The following ABI2 variants were observed in gnomAD, a reference collection of about 807,000 sequenced individuals.
ABI2 encodes abl interactor 2, also known as abelson interactor 2.
In ABI2, 25 loss-of-function variants were observed where a neutral mutation model predicts 59.2. The observed-to-expected ratio is 0.42, with a 90% CI of 0.31 to 0.59. The LOEUF (loss-of-function observed/expected upper bound fraction) is 0.59. Among genes scored for constraint, ABI2 ranks in the 20% least tolerant of loss-of-function variants. The probability of loss-of-function intolerance (pLI) is 0.14; values close to 1 mark genes in which losing one functional copy is unlikely to be tolerated. For missense variants in ABI2, 545 were observed against 681.8 expected, an observed-to-expected ratio of 0.80 and a Z score of 2.23; for synonymous variants, 213 against 235.5, an observed-to-expected ratio of 0.90 and a Z score of 0.87.
chr2:203,378,382 A>G (rs1321952029), intron 2 of ABI2, among the ~76,000 whole-genome samples: 2 of 152,178 alleles, frequency 1.3e-5, no homozygotes, highest in Non-Finnish European at 2.9e-5. Context: ...AAGTGCTGGG[A>G]TTATAGGCGT....
At chr2:203,374,806 CTG>C (rs1055888239) in intron 2 of ABI2, 22 of 455,656 alleles carry the variant, frequency 4.8e-5, no homozygotes, top group African/African-American at 4.0e-4. Context: ...TCCACTGTAA[CTG>C]TTTGATTGCA....
At position 203,414,850 on chromosome 2, in the gene ABI2, A is replaced by G. The variant is rs142306108; in HGVS notation, c.1280-2058A>G. On this transcript the variant is annotated intron_variant, in intron 10 of 11. Transcript: ENST00000261018. ...TCTCCACATCTATAAAATGAAAAAC[A>G]CCACCTCCCAATATAAAGATGAAAT... 9.2e-5 allele frequency among the ~76,000 whole-genome samples: 14 copies of G among 152,346 alleles called. No homozygotes were observed. In the East Asian group the frequency reaches 2.7e-3, roughly 29 times the overall value.
rs1426071981 is a variant in ABI2 at position 203,430,293 on chromosome 2, A to G, written c.*2941A>G. On this transcript the variant is annotated 3_prime_UTR_variant, in exon 12 of 12. Transcript: ENST00000261018. Reference sequence around the variant, plus strand: ...TGCTGTGTACTATTAATATTATAACAGACGATCCAAGTCCAAAATCTGACC... The same window carrying G: ...TGCTGTGTACTATTAATATTATAACGGACGATCCAAGTCCAAAATCTGACC... The G allele has an allele frequency of 6.6e-6, 1 of 152,222 alleles. No individual in the cohort carries two copies. Among genetic ancestry groups the G allele is most frequent in the East Asian group, 1.9e-4 (1 of 5,198 alleles). 9.4% of individuals were successfully genotyped at this position (152,222 alleles called of 1,614,324 possible). A position where few individuals can be genotyped will look rare whatever the true frequency, so the allele number is the denominator to read the frequency against.
chr2:203,347,282 C>G (rs961997174), intron 1 of ABI2, among the ~76,000 whole-genome samples: 3 of 152,164 alleles, frequency 2.0e-5, no homozygotes, highest in African/African-American at 7.2e-5. Flanking sequence ...GGATGATATC[C>G]TGACTCCCAG....
chr2:203,364,935 T>C (rs1292013600), intron 1 of ABI2, among the ~76,000 whole-genome samples: 1 of 152,016 alleles, frequency 6.6e-6, no homozygotes, highest in Admixed American at 6.6e-5. Flanking sequence ...GGTCTCACAA[T>C]GTTGCCCAGG....
chr2:203,418,547 A>C (rs1433253335), intron 11 of ABI2, among the ~76,000 whole-genome samples: 1 of 152,256 alleles, frequency 6.6e-6, no homozygotes, highest in Non-Finnish European at 1.5e-5. Context: ...TCTGGATCAC[A>C]TAGGCTTCTC....
chr2:203,341,950 C>T (rs1007745107), intron 1 of ABI2, among the ~76,000 whole-genome samples: 1 of 152,174 alleles, frequency 6.6e-6, no homozygotes, highest in Non-Finnish European at 1.5e-5. Context: ...AACTGATCTA[C>T]AGCTTCCTGG....
chr2:203,372,762 T>A (rs1289144128), intron 2 of ABI2, among the ~76,000 whole-genome samples: 1 of 144,208 alleles, frequency 6.9e-6, no homozygotes, highest in African/African-American at 2.6e-5. Context: ...ACGGGGCGGT[T>A]GCCAGGCGGA....
In ABI2 at chr2:203,368,984, A is replaced by AATTTTTTTTTTTTTTTTTTTTTTT. The variant is rs1312712237; in HGVS notation, c.285+1940_285+1941insATTTTTTTTTTTTTTTTTTTTTTT. On this transcript the variant is annotated intron_variant, in intron 2 of 11. Coordinates refer to ENST00000261018, the MANE Select transcript of ABI2 (RefSeq NM_001375670.1). ...TACAGGCACGTGCCATGCTTGGCTG[A>AATTTTTTTTTTTTTTTTTTTTTTT]TTTTTTTTTTTTTTTTTTTTTTTTT... Among the ~76,000 whole-genome samples, 19 of 91,118 alleles carry AATTTTTTTTTTTTTTTTTTTTTTT rather than the reference A, an allele frequency of 2.1e-4. 9 individuals are homozygous for AATTTTTTTTTTTTTTTTTTTTTTT. Among genetic ancestry groups the AATTTTTTTTTTTTTTTTTTTTTTT allele is most frequent in the Non-Finnish European group, 2.1e-4 (10 of 48,338 alleles). The allele number at this position is 91,118 out of a possible 152,430, so 59.8% of individuals were successfully genotyped here. A position where few individuals can be genotyped will look rare whatever the true frequency, so the allele number is the denominator to read the frequency against.
chr2:203,343,041 G>A (rs541296777), intron 1 of ABI2, among the ~76,000 whole-genome samples: 3 of 152,244 alleles, frequency 2.0e-5, no homozygotes, highest in African/African-American at 7.2e-5. Context: ...GAAGAAAAAG[G>A]AGAACTTTAT....
At chr2:203,388,597 C>T (rs999007817) in intron 4 of ABI2, among the ~76,000 whole-genome samples, 1 of 152,014 alleles carries the variant, frequency 6.6e-6, no homozygotes, top group Non-Finnish European at 1.5e-5. Context: ...AGGAGAATTG[C>T]TTGAACCCAG....
At chr2:203,403,619 A>G (rs1471031587) in intron 9 of ABI2, among the ~76,000 whole-genome samples, 1 of 133,544 alleles carries the variant, frequency 7.5e-6, no homozygotes, top group Admixed American at 8.2e-5. Flanking sequence ...AGAATCACGT[A>G]CAAAATAAGA....
intron 11 of ABI2, among the ~76,000 whole-genome samples, chr2:203,419,676 C>T (rs1405106059): frequency 6.6e-6 from 1 of 152,030 alleles, no homozygotes; most frequent in Non-Finnish European, 1.5e-5. Context: ...TGCGCCCAGC[C>T]TGTGCTTTGT....
At chr2:203,382,045 G>T (rs2096167802) in intron 3 of ABI2, 144 bp from the exon 4 acceptor site, 6 of 629,848 alleles carry the variant, frequency 9.5e-6, no homozygotes, top group East Asian at 8.7e-5. Flanking sequence ...CTCTTTCTAT[G>T]ATCTACTGAA....
intron 11 of ABI2, among the ~76,000 whole-genome samples, chr2:203,419,300 C>G (rs987346938): frequency 6.6e-6 from 1 of 150,804 alleles, no homozygotes; most frequent in Non-Finnish European, 1.5e-5. Flanking sequence ...TTAGTAGAGA[C>G]GTGGTTTCAC....
At chr2:203,374,813 A>G in intron 2 of ABI2, 1 of 456,034 alleles carries the variant, frequency 2.2e-6, no homozygotes, top group Non-Finnish European at 4.4e-6. Context: ...TAACTGTTTG[A>G]TTGCAGATGT....
chr2:203,415,660 C>T (rs1311473527), intron 10 of ABI2, among the ~76,000 whole-genome samples: 6 of 146,408 alleles, frequency 4.1e-5, no homozygotes, highest in Non-Finnish European at 7.5e-5. Flanking sequence ...TAATTCAATT[C>T]GTAGGCTTAG....
intron 1 of ABI2, among the ~76,000 whole-genome samples, chr2:203,363,805 C>T (rs1348954472): frequency 6.6e-6 from 1 of 151,928 alleles, no homozygotes; most frequent in African/African-American, 2.4e-5. Context: ...GCTTTTGTTA[C>T]CCAGGCTGGA....
intron 1 of ABI2, among the ~76,000 whole-genome samples, chr2:203,338,017 G>T (rs1483388446): frequency 6.6e-6 from 1 of 152,168 alleles, no homozygotes; most frequent in Admixed American, 6.5e-5. Flanking sequence ...GCAACAGAGC[G>T]AGACTCTGTC....
Sources: gnomAD v4.1 joint callset for allele counts (sites outside exome capture counted in the v4.1 genomes callset) on GRCh38, gnomAD v4.1.1 for gene constraint, MANE v1.5 for transcripts, NCBI Gene and HGNC (gene_info 2026-07-23, HGNC 2026-07-21) for gene names.